Variants in TOX observed in about 807,000 individuals in gnomAD.
The protein encoded by TOX is thymocyte selection-associated high mobility group box protein TOX.
In TOX, 11 loss-of-function variants were observed where a neutral mutation model predicts 53.7. The ratio of observed to expected loss-of-function variants is 0.20; its 90% CI spans 0.13 to 0.34. TOX has a LOEUF of 0.34. Among genes scored for constraint, TOX ranks in the 10% least tolerant of loss-of-function variants. The probability of loss-of-function intolerance (pLI) is 1.00; values close to 1 mark genes in which losing one functional copy is unlikely to be tolerated. For missense variants in TOX, 570 were observed against 664.6 expected (o/e 0.86, Z 1.56); for synonymous variants, 225 against 245.3 (o/e 0.92, Z 0.77).
chr8:59,049,874 T>C (rs562937715), intron 1 of TOX, among the ~76,000 whole-genome samples: 19 of 152,284 alleles, frequency 1.2e-4, no homozygotes, highest in African/African-American at 4.1e-4. Flanking sequence ...TTTTGGAATG[T>C]AGTCAAAGAA....
At chr8:59,107,050 G>A (rs557578013) in intron 1 of TOX, among the ~76,000 whole-genome samples, 1 of 132,488 alleles carries the variant, frequency 7.5e-6, no homozygotes, top group South Asian at 2.6e-4. Context: ...GTTTGCTGGG[G>A]GGGGGGGGAA....
At chr8:59,054,351 C>T (rs59296688) in intron 1 of TOX, among the ~76,000 whole-genome samples, 4,867 of 152,254 alleles carry the variant, frequency 0.032, 139 homozygotes, top group African/African-American at 0.071. Context: ...ACATTTTCAA[C>T]TACCTGACAA....
At chr8:58,861,356 T>C (rs1169063640) in intron 3 of TOX, among the ~76,000 whole-genome samples, 1 of 152,196 alleles carries the variant, frequency 6.6e-6, no homozygotes, top group Admixed American at 6.5e-5. Flanking sequence ...GGGGAGTTTA[T>C]GAATGTGCTC....
chr8:59,057,602 T>C (rs1030120922), intron 1 of TOX, among the ~76,000 whole-genome samples: 1 of 152,174 alleles, frequency 6.6e-6, no homozygotes, highest in Non-Finnish European at 1.5e-5. Flanking sequence ...GAATAAAAAG[T>C]ATATTCTCTC....
At position 59,117,129 on chromosome 8, in the gene TOX, T is replaced by G. The variant is rs1805113635; in HGVS notation, c.102+1757A>C. ...TCCAGTCTCATTGCCAAAATAGTTCTGAGCTTTTGGTTCCGGTAACTACAG... is the reference window on the plus strand; with the variant it reads ...TCCAGTCTCATTGCCAAAATAGTTCGGAGCTTTTGGTTCCGGTAACTACAG... On this transcript the variant is annotated intron_variant, in intron 1 of 8. Transcript: ENST00000361421. This position sits in a 1 kb window ranked among gnomAD's most constrained non-coding sequence, Gnocchi z 4.6. Among the ~76,000 whole-genome samples, 1 of 152,238 alleles carries G rather than the reference T, an allele frequency of 6.6e-6. No individual in the cohort carries two copies. Among genetic ancestry groups the G allele is most frequent in the Admixed American group, 6.5e-5 (1 of 15,282 alleles).
intron 3 of TOX, among the ~76,000 whole-genome samples, chr8:58,926,160 G>C (rs1812156362): frequency 6.6e-6 from 1 of 152,208 alleles, no homozygotes; most frequent in Non-Finnish European, 1.5e-5. Flanking sequence ...CCAGCACAGA[G>C]AGTGGCTTCC....
At chr8:58,895,250 C>T (rs13262230) in intron 3 of TOX, among the ~76,000 whole-genome samples, 98,938 of 152,016 alleles carry the variant, frequency 0.65, 32,786 homozygotes, top group African/African-American at 0.78. Flanking sequence ...TAAATTCTAG[C>T]TGAGTAAACT....
intron 1 of TOX, among the ~76,000 whole-genome samples, chr8:58,985,704 C>T (rs1868346): frequency 0.93 from 142,264 of 152,332 alleles, 66,469 homozygotes; most frequent in East Asian, 1. Flanking sequence ...AAATGTTAAA[C>T]AAAGGCAGGA....
Position 58,807,554 on chromosome 8 carries a change from T to A in TOX, c.*193A>T. 1 of 584,406 alleles carries A rather than the reference T, an allele frequency of 1.7e-6. No individual in the cohort carries two copies. Among genetic ancestry groups the A allele is most frequent in the Non-Finnish European group, 3.0e-6 (1 of 335,910 alleles). The allele number at this position is 584,406 out of a possible 1,614,324, so 36.2% of individuals were successfully genotyped here. A position where few individuals can be genotyped will look rare whatever the true frequency, so the allele number is the denominator to read the frequency against. Reference sequence around the variant, plus strand: ...CAGGGAAGAAGAAAAACAATGTCCATAAAGGATTAAAAAAATAATAAAGAA... The same window carrying A: ...CAGGGAAGAAGAAAAACAATGTCCAAAAAGGATTAAAAAAATAATAAAGAA... On this transcript the variant is annotated 3_prime_UTR_variant, in exon 9 of 9. Transcript: ENST00000361421.
intron 1 of TOX, among the ~76,000 whole-genome samples, chr8:59,068,539 G>A (rs1156560503): frequency 6.6e-6 from 1 of 152,058 alleles, no homozygotes; most frequent in African/African-American, 2.4e-5. Context: ...AAAAGGGAAA[G>A]TAAAAAGAAA....
chr8:58,901,086 A>G (rs1452758488), intron 3 of TOX, among the ~76,000 whole-genome samples: 1 of 152,082 alleles, frequency 6.6e-6, no homozygotes, highest in African/African-American at 2.4e-5. Flanking sequence ...CAAATATTTT[A>G]TTTCTTCCTT....
At chr8:59,038,754 C>G (rs901379156) in intron 1 of TOX, among the ~76,000 whole-genome samples, 1 of 152,232 alleles carries the variant, frequency 6.6e-6, no homozygotes, top group African/African-American at 2.4e-5. Context: ...CCCCACAGCA[C>G]TGGCTTCTGC....
intron 1 of TOX, among the ~76,000 whole-genome samples, chr8:58,982,798 C>T (rs1246928060): frequency 6.6e-6 from 1 of 152,156 alleles, no homozygotes; most frequent in Non-Finnish European, 1.5e-5. Flanking sequence ...CTCTCCCCTC[C>T]TCAAAAATAT....
At chr8:59,033,756 G>A (rs937690583) in intron 1 of TOX, among the ~76,000 whole-genome samples, 4 of 152,214 alleles carry the variant, frequency 2.6e-5, no homozygotes, top group Admixed American at 6.5e-5. Flanking sequence ...AACTATTTCC[G>A]ACAGAGCCCA....
intron 2 of TOX, among the ~76,000 whole-genome samples, chr8:58,945,774 AAT>A (rs1812513655): frequency 6.6e-6 from 1 of 152,198 alleles, no homozygotes. Flanking sequence ...AGAGAGTGTT[AAT>A]ATATGCTAAC....
At chr8:59,042,880 A>G (rs1803616954) in intron 1 of TOX, among the ~76,000 whole-genome samples, 3 of 152,202 alleles carry the variant, frequency 2.0e-5, no homozygotes, top group Admixed American at 2.0e-4. Flanking sequence ...TATCATATAC[A>G]ATGTGGAATG....
In TOX at chr8:58,959,950, G is replaced by T; in HGVS notation, c.161C>A (p.Ala54Asp). Residue 54 changes from alanine to aspartate, a missense_variant, in exon 2 of 9, where the codon GCC becomes GAC. Physicochemically the swap from Ala to Asp is moderately radical, Grantham distance 126 (BLOSUM62 -2). Coordinates refer to ENST00000361421, the MANE Select transcript of TOX (RefSeq NM_014729.3). ...MTEPSQDYVP[A>D]SQSYPGPSLE... ...GAAGATTAATTAACCCACCTGGCTG[G>T]CTGGCACATAGTCCTGGCTCGGCTC... 1 of 1,614,174 alleles carries T rather than the reference G, an allele frequency of 6.2e-7. No individual in the cohort carries two copies. Among genetic ancestry groups the T allele is most frequent in the Non-Finnish European group, 8.5e-7 (1 of 1,180,026 alleles).
chr8:58,810,404 C>T (rs950210198), intron 7 of TOX, among the ~76,000 whole-genome samples: 3 of 151,970 alleles, frequency 2.0e-5, no homozygotes, highest in African/African-American at 7.3e-5. Context: ...GCAATGGCAC[C>T]ATCTCGGCTC....
intron 1 of TOX, among the ~76,000 whole-genome samples, chr8:58,976,384 T>A (rs1168704882): frequency 6.6e-6 from 1 of 152,238 alleles, no homozygotes; most frequent in African/African-American, 2.4e-5. Flanking sequence ...AGCAATTCAG[T>A]CGCATGTTTA....
Sources: allele counts gnomAD v4.1 joint callset (sites outside exome capture counted in the v4.1 genomes callset), GRCh38; gene constraint gnomAD v4.1.1; non-coding constraint Gnocchi (gnomAD v3.1); transcripts MANE v1.5; gene names NCBI Gene and HGNC (gene_info 2026-07-23, HGNC 2026-07-21).